DMD: variants seen among roughly 807,000 people sequenced by gnomAD.
DMD encodes dystrophin.
DMD carries 63 observed loss-of-function variants against 330.1 expected under a neutral mutation model. The ratio of observed to expected loss-of-function variants is 0.19; its 90% CI spans 0.16 to 0.24. The LOEUF (loss-of-function observed/expected upper bound fraction) is 0.24, where lower values mean the gene tolerates loss of function less well. Among genes scored for constraint, DMD ranks in the 10% least tolerant of loss-of-function variants. The pLI is 1.00. For synonymous variants in DMD, 1,223 were observed against 959.8 expected (o/e 1.27, Z -5.07); for missense variants, 3,344 against 2,684.1 (o/e 1.25, Z -5.43).
At chrX:32,496,202 G>A in intron 19 of DMD, among the ~76,000 whole-genome samples, 1 of 111,849 alleles carries the variant, frequency 8.9e-6, no homozygotes, top group Middle Eastern at 4.7e-3. Context: ...TGAAGCCAGG[G>A]TAGAATAACA....
intron 27 of DMD, among the ~76,000 whole-genome samples, chrX:32,441,939 T>G (rs2098282826): frequency 9.0e-6 from 1 of 111,197 alleles, no homozygotes; most frequent in East Asian, 2.8e-4. Flanking sequence ...TTCCACATTC[T>G]TATTATTTCC....
At chrX:31,214,930 CTTTTTTCT>C (rs1287527547) in intron 64 of DMD, among the ~76,000 whole-genome samples, 24 of 46,132 alleles carry the variant, frequency 5.2e-4, no homozygotes, top group Admixed American at 1.2e-3. Flanking sequence ...TTTTTTATTT[CTTTTTTCT>C]TTTTTTTTTT....
chrX:32,998,983 C>T (rs1244343424), intron 2 of DMD, among the ~76,000 whole-genome samples: 1 of 111,897 alleles, frequency 8.9e-6, no homozygotes, highest in African/African-American at 3.3e-5. Flanking sequence ...AATAATTACA[C>T]AACATGTTAT....
At chrX:33,066,026 T>C (rs772178750) in intron 1 of DMD, among the ~76,000 whole-genome samples, 4 of 104,092 alleles carry the variant, frequency 3.8e-5, no homozygotes, top group Non-Finnish European at 7.8e-5. Flanking sequence ...AACTAAATTT[T>C]GCTTTATAAG....
chrX:32,053,998 T>C (rs2096139621), intron 44 of DMD, among the ~76,000 whole-genome samples: 2 of 108,209 alleles, frequency 1.8e-5, no homozygotes, highest in Non-Finnish European at 3.8e-5. Context: ...TTTTGTCCAT[T>C]AGACTTCTAA....
chrX:32,371,365 C>A (rs980467006), intron 34 of DMD, among the ~76,000 whole-genome samples: 12 of 110,719 alleles, frequency 1.1e-4, no homozygotes, highest in Non-Finnish European at 2.1e-4. Flanking sequence ...TCTCAGGCAA[C>A]TCTTGGCATA....
At chrX:31,479,336 T>C (rs1569546232) in intron 57 of DMD, among the ~76,000 whole-genome samples, 1 of 111,924 alleles carries the variant, frequency 8.9e-6, no homozygotes, top group East Asian at 2.8e-4. Context: ...GCATTCTGGA[T>C]AGTTAATGCC....
At chrX:32,805,058 C>T (rs1460983994) in intron 7 of DMD, among the ~76,000 whole-genome samples, 1 of 111,828 alleles carries the variant, frequency 8.9e-6, no homozygotes, top group Non-Finnish European at 1.9e-5. Context: ...ACCTCTTCTC[C>T]TCCAAAGGAT....
At chrX:32,169,480 T>A (rs2096879688) in intron 44 of DMD, among the ~76,000 whole-genome samples, 1 of 111,836 alleles carries the variant, frequency 8.9e-6, no homozygotes, top group Non-Finnish European at 1.9e-5. Context: ...GGGGGTATTT[T>A]ATTTATCGCC....
chrX:31,857,753 G>A (rs902625884), intron 48 of DMD, among the ~76,000 whole-genome samples: 3 of 108,544 alleles, frequency 2.8e-5, no homozygotes, highest in Admixed American at 1.0e-4. Flanking sequence ...TTGGCCCTAC[G>A]GTGTTTCCTT....
At chrX:32,703,699 T>C (rs1310883784) in intron 7 of DMD, among the ~76,000 whole-genome samples, 3 of 111,584 alleles carry the variant, frequency 2.7e-5, no homozygotes, top group Non-Finnish European at 5.6e-5. Flanking sequence ...TAAGTATTTG[T>C]TAAGAAACTC....
chrX:31,835,742 C>T (rs1420231246), intron 49 of DMD, among the ~76,000 whole-genome samples: 1 of 111,455 alleles, frequency 9.0e-6, no homozygotes, highest in African/African-American at 3.3e-5. Flanking sequence ...AACTAAGCAG[C>T]GACCTTAGAG....
chrX:31,478,493 C>T, intron 58 of DMD, 119 bp from the exon 59 acceptor site: 19 of 986,715 alleles, frequency 1.9e-5, no homozygotes, highest in Non-Finnish European at 2.2e-5. Context: ...TACTGATTAA[C>T]GGCTTTTTTA....
intron 27 of DMD, among the ~76,000 whole-genome samples, chrX:32,448,206 G>A (rs1270887141): frequency 9.0e-6 from 1 of 111,118 alleles, no homozygotes; most frequent in Non-Finnish European, 1.9e-5. Context: ...ACTAGGCTAA[G>A]TAGTTTAAAG....
intron 13 of DMD, among the ~76,000 whole-genome samples, chrX:32,586,352 A>G (rs2054289575): frequency 9.2e-6 from 1 of 109,029 alleles, no homozygotes; most frequent in Non-Finnish European, 1.9e-5. Context: ...CTATATACAT[A>G]TATAAACCAT....
At chrX:32,314,309 T>C (rs2097575190) in intron 41 of DMD, among the ~76,000 whole-genome samples, 1 of 111,630 alleles carries the variant, frequency 9.0e-6, no homozygotes, top group Non-Finnish European at 1.9e-5. Context: ...AGATTCCCTA[T>C]TTAATAAATG....
intron 30 of DMD, among the ~76,000 whole-genome samples, chrX:32,404,050 T>A (rs1476817545): frequency 8.9e-6 from 1 of 112,333 alleles, no homozygotes; most frequent in Non-Finnish European, 1.9e-5. Flanking sequence ...TCTGCAGTTA[T>A]ATCTTTATTT....
At chrX:31,572,134 T>C (rs2075854889) in intron 55 of DMD, among the ~76,000 whole-genome samples, 1 of 109,655 alleles carries the variant, frequency 9.1e-6, no homozygotes, top group Non-Finnish European at 1.9e-5. Flanking sequence ...AAACCTAAAA[T>C]AAAAGTTAAA....
At chrX:31,440,041 A>G (rs2064818918) in intron 60 of DMD, among the ~76,000 whole-genome samples, 1 of 111,896 alleles carries the variant, frequency 8.9e-6, no homozygotes, top group Non-Finnish European at 1.9e-5. Flanking sequence ...TTATAAAAGG[A>G]AGATTTAAAA....
Sources: gnomAD v4.1 joint callset for allele counts (sites outside exome capture counted in the v4.1 genomes callset) on GRCh38, gnomAD v4.1.1 for gene constraint, MANE v1.5 for transcripts, NCBI Gene and HGNC (gene_info 2026-07-23, HGNC 2026-07-21) for gene names.